The following HECW1 variants were observed in gnomAD, a reference collection of about 807,000 sequenced individuals.
HECW1 encodes E3 ubiquitin-protein ligase HECW1.
Under a neutral mutation model 182.3 loss-of-function variants are expected in HECW1, and 61 were observed. The ratio of observed to expected loss-of-function variants is 0.33; its 90% CI spans 0.27 to 0.41. The LOEUF (loss-of-function observed/expected upper bound fraction) is 0.41, where lower values mean the gene tolerates loss of function less well. Among genes scored for constraint, HECW1 ranks in the 10% least tolerant of loss-of-function variants. The probability of loss-of-function intolerance (pLI) is 1.00; values close to 1 mark genes in which losing one functional copy is unlikely to be tolerated. For missense variants in HECW1, 1,739 were observed against 2,108.9 expected (o/e 0.82, Z 3.44); for synonymous variants, 859 against 832.6 (o/e 1.03, Z -0.55).
At chr7:43,371,133 C>T (rs1046125123) in intron 6 of HECW1, among the ~76,000 whole-genome samples, 24 of 152,010 alleles carry the variant, frequency 1.6e-4, no homozygotes, top group Non-Finnish European at 2.4e-4. Context: ...GTGATCCACC[C>T]GCCTCGGCCT....
intron 3 of HECW1, among the ~76,000 whole-genome samples, chr7:43,250,249 C>A (rs1799888900): frequency 6.6e-6 from 1 of 152,124 alleles, no homozygotes; most frequent in Non-Finnish European, 1.5e-5. Context: ...TGGTCCACAG[C>A]AGCCTCATGA....
intron 6 of HECW1, chr7:43,396,601 A>G (rs2075239839): frequency 2.1e-6 from 1 of 469,436 alleles, no homozygotes; most frequent in Admixed American, 3.6e-5. Flanking sequence ...ATTTTCCTGA[A>G]AAGTACCCAT....
intron 4 of HECW1, among the ~76,000 whole-genome samples, chr7:43,315,904 C>G (rs980318797): frequency 1.3e-5 from 2 of 152,052 alleles, no homozygotes; most frequent in African/African-American, 4.8e-5. Flanking sequence ...AAAATGGAAG[C>G]CATATCTTTT....
At chr7:43,498,193 T>G (rs2079189341) in intron 19 of HECW1, among the ~76,000 whole-genome samples, 1 of 152,178 alleles carries the variant, frequency 6.6e-6, no homozygotes, top group South Asian at 2.1e-4. Flanking sequence ...CCACCAAAAC[T>G]CTCAGAAAAT....
At chr7:43,215,208 C>T (rs1452796945) in intron 2 of HECW1, among the ~76,000 whole-genome samples, 5 of 152,262 alleles carry the variant, frequency 3.3e-5, no homozygotes, top group African/African-American at 9.6e-5. Context: ...TCAGAATGCA[C>T]ACTGCCCTTG....
chr7:43,432,158 G>C lies in HECW1; in HGVS notation c.802-5845G>C, dbSNP rs1258217876. Among the ~76,000 whole-genome samples, 7 of 116,832 alleles carry C rather than the reference G, an allele frequency of 6.0e-5. No individual in the cohort carries two copies. 76.6% of individuals were successfully genotyped at this position (116,832 alleles called of 152,430 possible). On this transcript the variant is annotated intron_variant, in intron 8 of 29. Coordinates refer to ENST00000395891, the MANE Select transcript of HECW1 (RefSeq NM_015052.5). This position sits in a 1 kb window ranked among gnomAD's most constrained non-coding sequence, Gnocchi z 4.1. ...TTTATTTTATTTCTTTTTTTTTTTT[G>C]AGACGGAGTCTCGCTCTGTCGCCCG... is the stretch of plus-strand genomic sequence containing the variant.
At chr7:43,328,278 A>G (rs1811046168) in intron 5 of HECW1, among the ~76,000 whole-genome samples, 1 of 152,080 alleles carries the variant, frequency 6.6e-6, no homozygotes, top group Non-Finnish European at 1.5e-5. Flanking sequence ...AGCCTGAGCT[A>G]TGGAGCAAGA....
chr7:43,155,331 C>G (rs1199210365), intron 2 of HECW1, among the ~76,000 whole-genome samples: 2 of 151,920 alleles, frequency 1.3e-5, no homozygotes, highest in Non-Finnish European at 2.9e-5. Context: ...GAGAATATAC[C>G]AAGAGGGCTA....
rs1008001592 is a variant in HECW1 at position 43,564,799 on chromosome 7, C to G, written c.*2873C>G. On this transcript the variant is annotated 3_prime_UTR_variant, in exon 30 of 30. Transcript: ENST00000395891. ...TATATGAAATGAAATAGCTATAGAA[C>G]TAAATTTCACTTAGGTGGAGGTATA... The G allele has an allele frequency of 2.2e-5, 4 of 181,574 alleles. No homozygotes were observed. Among genetic ancestry groups the G allele is most frequent in the Admixed American group, 6.3e-5 (1 of 15,928 alleles). 11.2% of individuals were successfully genotyped at this position (181,574 alleles called of 1,614,324 possible).
At chr7:43,526,439 T>TTGAA (rs2080758265) in intron 24 of HECW1, among the ~76,000 whole-genome samples, 1 of 152,210 alleles carries the variant, frequency 6.6e-6, no homozygotes, top group Non-Finnish European at 1.5e-5. Context: ...CATAGAAAGA[T>TTGAA]TGAATGAATG....
chr7:43,217,215 CACTT>C (rs778812402), intron 2 of HECW1, among the ~76,000 whole-genome samples: 1 of 152,144 alleles, frequency 6.6e-6, no homozygotes, highest in Non-Finnish European at 1.5e-5. Context: ...TTTAAACACT[CACTT>C]ACCTTTCTCA....
chr7:43,541,861 T>A lies in HECW1; in HGVS notation c.4119-8T>A. On this transcript the variant is annotated splice_region_variant and splice_polypyrimidine_tract_variant and intron_variant, in intron 25 of 29. Coordinates refer to ENST00000395891, the MANE Select transcript of HECW1 (RefSeq NM_015052.5). ...TGGTAATTTGCCTTTCTCACTGAAT[T>A]CACCCAGGCCCTGTGATTTGAGTGA... 6.8e-7 allele frequency: 1 copy of A among 1,466,298 alleles called. No individual in the cohort carries two copies. The highest frequency in any genetic ancestry group is 1.4e-5 in the African/African-American group (1 of 69,708). 90.8% of individuals were successfully genotyped at this position (1,466,298 alleles called of 1,614,324 possible).
chr7:43,463,035 G>A (rs1218531644), intron 13 of HECW1, among the ~76,000 whole-genome samples: 2 of 152,184 alleles, frequency 1.3e-5, no homozygotes, highest in Admixed American at 6.5e-5. Flanking sequence ...TGAAAGTCCA[G>A]CACAGAGCCT....
intron 11 of HECW1, among the ~76,000 whole-genome samples, chr7:43,448,383 A>T (rs904430559): frequency 2.0e-5 from 3 of 152,272 alleles, no homozygotes; most frequent in Admixed American, 6.5e-5. Context: ...TGAAAAGAGT[A>T]ACATAATGTC....
At chr7:43,335,978 TC>T (rs1431211227) in intron 5 of HECW1, among the ~76,000 whole-genome samples, 2 of 149,632 alleles carry the variant, frequency 1.3e-5, no homozygotes, top group Admixed American at 6.6e-5. Context: ...TCCCTCTCTC[TC>T]TCTTTCTCTC....
chr7:43,503,076 G>A lies in HECW1; in HGVS notation c.3631+1754G>A, dbSNP rs568547922. Among the ~76,000 whole-genome samples, 7 of 152,276 alleles carry A rather than the reference G, an allele frequency of 4.6e-5. No homozygotes were observed. The East Asian group carries it at 7.7e-4, about 17-fold the overall frequency. ...GTCCCTCTTAGAGGTAGTTGTGCTC[G>A]TCGTTAAAATATGTTTTCAAGATAG... On this transcript the variant is annotated intron_variant, in intron 21 of 29. Transcript: ENST00000395891.
chr7:43,133,957 C>A (rs372332330), intron 2 of HECW1, among the ~76,000 whole-genome samples: 1 of 152,218 alleles, frequency 6.6e-6, no homozygotes, highest in South Asian at 2.1e-4. Context: ...TTCTTCTCAA[C>A]AGAGAGCTGT....
At chr7:43,154,049 T>A (rs1789629518) in intron 2 of HECW1, among the ~76,000 whole-genome samples, 1 of 152,160 alleles carries the variant, frequency 6.6e-6, no homozygotes. Context: ...TATTTTAAAA[T>A]TATTTCTTGG....
At chr7:43,334,946 C>T (rs1387904634) in intron 5 of HECW1, among the ~76,000 whole-genome samples, 2 of 152,220 alleles carry the variant, frequency 1.3e-5, no homozygotes, top group African/African-American at 2.4e-5. Context: ...TATTTACCCT[C>T]GAAAAGAAGA....
Sources: gnomAD v4.1 joint callset for allele counts (sites outside exome capture counted in the v4.1 genomes callset) on GRCh38, gnomAD v4.1.1 for gene constraint, Gnocchi (gnomAD v3.1) non-coding constraint, MANE v1.5 for transcripts, NCBI Gene and HGNC (gene_info 2026-07-23, HGNC 2026-07-21) for gene names.